The following PATL2 variants were observed in gnomAD, a reference collection of about 807,000 sequenced individuals.
The protein encoded by PATL2 is protein PAT1 homolog 2.
PATL2 carries 73 observed loss-of-function variants against 77.0 expected under a neutral mutation model. That is an observed-to-expected ratio of 0.95 (90% CI 0.78 to 1.15). The LOEUF is 1.15. PATL2 is among the 50% of genes most tolerant of loss of function. PATL2 has a pLI of 0.00. For missense variants in PATL2, 618 were observed against 655.4 expected (o/e 0.94, Z 0.62); for synonymous variants, 265 against 257.1 (o/e 1.03, Z -0.29).
intron 3 of PATL2, among the ~76,000 whole-genome samples, chr15:44,705,183 T>C (rs1267286680): frequency 6.6e-6 from 1 of 151,952 alleles, no homozygotes; most frequent in Non-Finnish European, 1.5e-5. Context: ...GGCCAATAAC[T>C]CTTTTTTTTT....
Position 44,668,357 on chromosome 15 carries a change from C to G in PATL2, c.1350G>C (p.Val450=). The G allele has an allele frequency of 7.7e-6, 12 of 1,550,824 alleles. No homozygotes were observed. Among genetic ancestry groups the G allele is most frequent in the Non-Finnish European group, 1.0e-5 (12 of 1,146,894 alleles). The change falls in exon 15 of 18, where the codon GTG becomes GTC. Residue 450 remains valine, a synonymous_variant. Transcript: ENST00000682850. ...PPGSSERPVT[V]VLQNQFGISL... ...GACATGTTACCTGATTCTGAAGCACCACGGTGACTGGCCGCTCTGAGGAGC... is the reference window on the plus strand; with the variant it reads ...GACATGTTACCTGATTCTGAAGCACGACGGTGACTGGCCGCTCTGAGGAGC...
chr15:44,676,369 G>C (rs974366201), intron 4 of PATL2, 106 bp downstream of exon 4: 1 of 1,033,964 alleles, frequency 9.7e-7, no homozygotes, highest in Non-Finnish European at 1.5e-6. Flanking sequence ...GAAGAATTTG[G>C]AATAACTTCC....
At chr15:44,683,718 T>C (rs1466528232) in intron 3 of PATL2, among the ~76,000 whole-genome samples, 1 of 152,172 alleles carries the variant, frequency 6.6e-6, no homozygotes, top group Non-Finnish European at 1.5e-5. Context: ...GAGCAGCGGA[T>C]CTCCCAGCAT....
At chr15:44,708,121 G>A (rs190852889) in intron 3 of PATL2, among the ~76,000 whole-genome samples, 1 of 152,364 alleles carries the variant, frequency 6.6e-6, no homozygotes, top group South Asian at 2.1e-4. Flanking sequence ...GGGAGAGATA[G>A]CATTTAGCAA....
At chr15:44,676,309 G>A (rs767125857) in intron 4 of PATL2, 166 bp downstream of exon 4, 25 of 674,998 alleles carry the variant, frequency 3.7e-5, no homozygotes, top group Non-Finnish European at 6.4e-5. Context: ...GAAAAATAAA[G>A]CCCAGAAGAG....
chr15:44,676,317 G>A lies in PATL2; in HGVS notation c.16+158C>T, dbSNP rs1011388978. 7.1e-6 allele frequency: 5 copies of A among 708,174 alleles called. No homozygotes were observed. The African/African-American group carries it at 8.8e-5, about 12-fold the overall frequency. The allele number at this position is 708,174 out of a possible 1,614,324, so 43.9% of individuals were successfully genotyped here. A position where few individuals can be genotyped will look rare whatever the true frequency, so the allele number is the denominator to read the frequency against. ...TTGGTGAGAAAAATAAAGCCCAGAAGAGTGACCTTTCAGTCACCCATTATG... is the reference window on the plus strand; with the variant it reads ...TTGGTGAGAAAAATAAAGCCCAGAAAAGTGACCTTTCAGTCACCCATTATG... On this transcript the variant is annotated intron_variant, in intron 4 of 17. Coordinates refer to ENST00000682850, the MANE Select transcript of PATL2 (RefSeq NM_001387263.1).
In PATL2 at chr15:44,669,360, C is replaced by T. The variant is rs748916952; in HGVS notation, c.984G>A (p.Pro328=). Residue 328 remains proline, a synonymous_variant, in exon 13 of 18, where the codon CCG becomes CCA. Transcript: ENST00000682850. The part of the protein sequence containing the change: ...IEEGWKYRPP[P]PCFSEQQSNQ... Reference sequence around the variant, plus strand: ...TGCTTTGCTGCTCAGAAAAGCAGGGCGGTGGAGGCCTATACTTCCAGCCTT... The same window carrying T: ...TGCTTTGCTGCTCAGAAAAGCAGGGTGGTGGAGGCCTATACTTCCAGCCTT... The T allele has an allele frequency of 7.5e-5, 116 of 1,551,398 alleles. No homozygotes were observed. The highest frequency in any genetic ancestry group is 1.7e-4 in the Middle Eastern group (1 of 6,014).
Position 44,668,971 on chromosome 15 carries a change from C to A in PATL2, c.1224+9G>T. ...AGACCATCCTCTTCTCCACTCAATG[C>A]CACAGTACCTGATCAGCCACATCCC... On this transcript the variant is annotated intron_variant, in intron 14 of 17. Coordinates refer to ENST00000682850, the MANE Select transcript of PATL2 (RefSeq NM_001387263.1). 6.5e-7 allele frequency: 1 copy of A among 1,530,012 alleles called. No homozygotes were observed. The allele number at this position is 1,530,012 out of a possible 1,614,324, so 94.8% of individuals were successfully genotyped here. A position where few individuals can be genotyped will look rare whatever the true frequency, so the allele number is the denominator to read the frequency against.
chr15:44,687,833 C>A (rs1308760583), intron 3 of PATL2, among the ~76,000 whole-genome samples: 1 of 152,120 alleles, frequency 6.6e-6, no homozygotes, highest in Non-Finnish European at 1.5e-5. Context: ...ACCTAGGAAT[C>A]CAACTTACAA....
At chr15:44,704,155 A>ATTTTT (rs374729545) in intron 3 of PATL2, among the ~76,000 whole-genome samples, 2 of 134,044 alleles carry the variant, frequency 1.5e-5, no homozygotes, top group African/African-American at 5.5e-5. Context: ...TGTCTGGCTA[A>ATTTTT]TTTTTTTTTT....
At chr15:44,691,477 G>A (rs1344920986) in intron 3 of PATL2, among the ~76,000 whole-genome samples, 1 of 151,980 alleles carries the variant, frequency 6.6e-6, no homozygotes, top group Non-Finnish European at 1.5e-5. Context: ...CACCAACATA[G>A]CAAAAACCCG....
intron 3 of PATL2, among the ~76,000 whole-genome samples, chr15:44,702,781 T>C (rs2086655922): frequency 6.6e-6 from 1 of 152,132 alleles, no homozygotes; most frequent in Admixed American, 6.5e-5. Context: ...TTAATTTCCA[T>C]ATATTTGTAT....
chr15:44,694,753 AT>A (rs2086466720), intron 3 of PATL2, among the ~76,000 whole-genome samples: 1 of 152,190 alleles, frequency 6.6e-6, no homozygotes. Flanking sequence ...ACAAAAAGGG[AT>A]GGCAACATCT....
At chr15:44,705,886 C>T (rs115570970) in intron 3 of PATL2, among the ~76,000 whole-genome samples, 2,849 of 147,146 alleles carry the variant, frequency 0.019, 100 homozygotes, top group African/African-American at 0.069. Flanking sequence ...ACTGAATCTC[C>T]GCCTCCCAAG....
rs1462586019 is a variant in PATL2, at chr15:44,676,474, C to T, written c.16+1G>A. The T allele has an allele frequency of 6.4e-7, 1 of 1,550,700 alleles. No individual in the cohort carries two copies. The highest frequency in any genetic ancestry group is 8.7e-7 in the Non-Finnish European group (1 of 1,146,126). On this transcript the variant is annotated splice_donor_variant, in intron 4 of 17. Coordinates refer to ENST00000682850, the MANE Select transcript of PATL2 (RefSeq NM_001387263.1). LOFTEE classifies it high-confidence loss of function. ...TAACATCACGGCCCACTTGTTGATA[C>T]CTTCAAGGCAATTCATCTTGGCAGG...
At chr15:44,696,410 A>G (rs2086503668) in intron 3 of PATL2, among the ~76,000 whole-genome samples, 1 of 152,192 alleles carries the variant, frequency 6.6e-6, no homozygotes, top group Admixed American at 6.5e-5. Context: ...TGAATAATAC[A>G]TTTAAAATTA....
At chr15:44,675,390 G>A in intron 5 of PATL2, 96 bp downstream of exon 5, 1 of 1,362,920 alleles carries the variant, frequency 7.3e-7, no homozygotes, top group African/African-American at 1.5e-5. Flanking sequence ...ACTTGTCTTA[G>A]AAAAGGGTAG....
chr15:44,709,862 C>G (rs772871094), intron 3 of PATL2, among the ~76,000 whole-genome samples: 7 of 152,050 alleles, frequency 4.6e-5, no homozygotes, highest in African/African-American at 7.2e-5. Context: ...TAGCCCTGTC[C>G]CTTGCTAAAC....
chr15:44,703,723 CTTTTTTTT>C (rs933165876), intron 3 of PATL2, among the ~76,000 whole-genome samples: 8 of 33,004 alleles, frequency 2.4e-4, no homozygotes, highest in Admixed American at 1.1e-3. Flanking sequence ...CCGGGTCTTG[CTTTTTTTT>C]TTTTTTTTTT....
Sources: gnomAD v4.1 joint callset for allele counts (sites outside exome capture counted in the v4.1 genomes callset) on GRCh38, gnomAD v4.1.1 for gene constraint, MANE v1.5 for transcripts, NCBI Gene and HGNC (gene_info 2026-07-23, HGNC 2026-07-21) for gene names.